The following CAPN9 variants were observed in gnomAD, a reference collection of about 807,000 sequenced individuals.
The protein encoded by CAPN9 is calpain 9.
Under a neutral mutation model 92.8 loss-of-function variants are expected in CAPN9, and 81 were observed. That is an observed-to-expected ratio of 0.87 (90% CI 0.73 to 1.05). The LOEUF is 1.05. Among genes scored for constraint, CAPN9 ranks in the 50% least tolerant of loss-of-function variants. The pLI is 0.00. For synonymous variants in CAPN9, 304 were observed against 328.0 expected (o/e 0.93, Z 0.79); for missense variants, 848 against 866.2 (o/e 0.98, Z 0.26).
Position 230,795,227 on chromosome 1 carries a change from G to A in CAPN9, c.1935G>A (p.Gln645=), listed in dbSNP as rs1167888429. The A allele has an allele frequency of 6.2e-7, 1 of 1,613,606 alleles. No homozygotes were observed. The highest frequency in any genetic ancestry group is 8.5e-7 in the Non-Finnish European group (1 of 1,179,850). ...IVLRYADEEL[Q]LDFDDFLNCL... is the part of the protein sequence containing the mutation. ...TCAGGTATGCGGATGAGGAGCTCCA[G>A]CTGGACTTCGATGACTTCCTCAACT... The change falls in exon 18 of 20, where the codon CAG becomes CAA. Residue 645 remains glutamine, a synonymous_variant. Coordinates refer to ENST00000271971, the MANE Select transcript of CAPN9 (RefSeq NM_006615.3).
chr1:230,789,691 G>A (rs1041724939), intron 13 of CAPN9, among the ~76,000 whole-genome samples: 1 of 152,018 alleles, frequency 6.6e-6, no homozygotes, highest in Admixed American at 6.6e-5. Context: ...GATTCCCTGG[G>A]GTAAGCCCCA....
intron 3 of CAPN9, 125 bp from the exon 4 acceptor site, chr1:230,762,528 T>A: frequency 8.7e-7 from 1 of 1,152,768 alleles, no homozygotes; most frequent in South Asian, 1.5e-5. Flanking sequence ...GTGTGTGATT[T>A]TCAAAGCTGT....
intron 7 of CAPN9, among the ~76,000 whole-genome samples, chr1:230,772,592 T>G (rs1666459875): frequency 6.6e-6 from 1 of 152,060 alleles, no homozygotes; most frequent in South Asian, 2.1e-4. Context: ...GAAATAGAAG[T>G]GAGGCTGAGC....
intron 8 of CAPN9, among the ~76,000 whole-genome samples, chr1:230,778,610 C>G (rs1666986642): frequency 1.3e-5 from 2 of 152,236 alleles, no homozygotes; most frequent in Admixed American, 1.3e-4. Context: ...AGAGAGCTGC[C>G]CTGCCCAGGA....
intron 8 of CAPN9, among the ~76,000 whole-genome samples, chr1:230,775,783 G>T (rs1055737808): frequency 6.6e-6 from 1 of 152,080 alleles, no homozygotes; most frequent in African/African-American, 2.4e-5. Flanking sequence ...CAGGGGTGGT[G>T]GTGAGTGCCT....
chr1:230,772,463 GTGTT>G (rs1666446599), intron 7 of CAPN9, among the ~76,000 whole-genome samples: 1 of 150,672 alleles, frequency 6.6e-6, no homozygotes, highest in East Asian at 1.9e-4. Context: ...AAGTGCGTGT[GTGTT>G]TGTGTGTGTG....
intron 17 of CAPN9, 73 bp downstream of exon 17, chr1:230,793,001 C>A: frequency 8.9e-7 from 1 of 1,122,228 alleles, no homozygotes; most frequent in Non-Finnish European, 1.4e-6. Context: ...GAGCAGATGG[C>A]AGGTCTTCTC....
chr1:230,754,133 C>T (rs956923176), intron 1 of CAPN9, among the ~76,000 whole-genome samples: 1 of 149,578 alleles, frequency 6.7e-6, no homozygotes, highest in Admixed American at 6.6e-5. Context: ...GGGCAGGAGG[C>T]TGGGAAGGGG....
At chr1:230,761,174 C>T (rs1665609084) in intron 3 of CAPN9, among the ~76,000 whole-genome samples, 1 of 152,204 alleles carries the variant, frequency 6.6e-6, no homozygotes, top group Admixed American at 6.5e-5. Context: ...CTGTCAGTCC[C>T]GCAATAACAA....
At chr1:230,763,335 A>T (rs1458356849) in intron 4 of CAPN9, among the ~76,000 whole-genome samples, 1 of 152,212 alleles carries the variant, frequency 6.6e-6, no homozygotes, top group South Asian at 2.1e-4. Context: ...TATCACCACG[A>T]TCTATCTCCA....
chr1:230,791,978 A>G (rs764397022), intron 15 of CAPN9, 50 bp downstream of exon 15: 1 of 1,287,648 alleles, frequency 7.8e-7, no homozygotes, highest in Non-Finnish European at 1.1e-6. Flanking sequence ...CTGGGCTTTA[A>G]GCACAGTAGA....
rs183240972 is a variant in CAPN9 at position 230,794,203 on chromosome 1, G to A, written c.1871-960G>A. On this transcript the variant is annotated intron_variant, in intron 17 of 19. Coordinates refer to ENST00000271971, the MANE Select transcript of CAPN9 (RefSeq NM_006615.3). ...GCACTAATTAGAAATCAAAGCACTG[G>A]CCAGGTGTGGTGGCTCACACCTGTA... Among the ~76,000 whole-genome samples, 18 of 152,286 alleles carry A rather than the reference G, an allele frequency of 1.2e-4. No homozygotes were observed. The East Asian group carries it at 3.5e-3, about 29-fold the overall frequency.
rs548670600 is a variant in CAPN9 at position 230,772,634 on chromosome 1, C to T, written c.875+535C>T. 7.9e-5 allele frequency among the ~76,000 whole-genome samples: 12 copies of T among 152,174 alleles called. No individual in the cohort carries two copies. In the South Asian group the frequency reaches 2.5e-3, roughly 32 times the overall value. On this transcript the variant is annotated intron_variant, in intron 7 of 19. Transcript: ENST00000271971. ...GCTCATGCCTATAATTCCAACACGT[C>T]AGCAAGCCGAGGTGGGAGGATCACT...
intron 1 of CAPN9, among the ~76,000 whole-genome samples, chr1:230,751,609 G>GAA (rs1443186653): frequency 1.0e-3 from 33 of 31,876 alleles, no homozygotes; most frequent in East Asian, 7.5e-3. Flanking sequence ...AAGAAAGAAA[G>GAA]AGAAAGAAAG....
chr1:230,793,853 G>C (rs988415697), intron 17 of CAPN9, among the ~76,000 whole-genome samples: 1 of 152,210 alleles, frequency 6.6e-6, no homozygotes, highest in Admixed American at 6.5e-5. Context: ...TCCATGGTAG[G>C]AGGAGGAACT....
intron 2 of CAPN9, among the ~76,000 whole-genome samples, chr1:230,756,811 G>T (rs948357732): frequency 6.6e-6 from 1 of 152,040 alleles, no homozygotes. Flanking sequence ...GCTTGGTGGT[G>T]CATGACCATA....
At chr1:230,793,604 T>G (rs1668154579) in intron 17 of CAPN9, among the ~76,000 whole-genome samples, 1 of 152,194 alleles carries the variant, frequency 6.6e-6, no homozygotes, top group South Asian at 2.1e-4. Flanking sequence ...CTGCCTGCGC[T>G]TCTCACCAAG....
intron 1 of CAPN9, chr1:230,752,779 G>A: frequency 2.3e-6 from 2 of 875,718 alleles, no homozygotes; most frequent in Non-Finnish European, 2.7e-6. Flanking sequence ...CAGGGGCTGG[G>A]CAATCAAGAC....
At chr1:230,774,212 G>A (rs1666582516) in intron 7 of CAPN9, among the ~76,000 whole-genome samples, 1 of 152,266 alleles carries the variant, frequency 6.6e-6, no homozygotes, top group Admixed American at 6.5e-5. Flanking sequence ...AAGCACGAAA[G>A]TCAGCAGACT....
Sources: gnomAD v4.1 joint callset for allele counts (sites outside exome capture counted in the v4.1 genomes callset) on GRCh38, gnomAD v4.1.1 for gene constraint, MANE v1.5 for transcripts, NCBI Gene and HGNC (gene_info 2026-07-23, HGNC 2026-07-21) for gene names.